CAPN9: variants seen among roughly 807,000 people sequenced by gnomAD.
CAPN9 encodes the protein calpain-9.
In CAPN9, 81 loss-of-function variants were observed where a neutral mutation model predicts 92.8. The observed-to-expected ratio is 0.87, with a 90% confidence interval of 0.73 to 1.05. CAPN9 has a LOEUF of 1.05. CAPN9 is among the 50% of genes least tolerant of loss of function. CAPN9 has a pLI of 0.00. For synonymous variants in CAPN9, 304 were observed against 328.0 expected (o/e 0.93, Z 0.79); for missense variants, 848 against 866.2 (o/e 0.98, Z 0.26).
intron 1 of CAPN9, among the ~76,000 whole-genome samples, chr1:230,749,282 G>T (rs1336690831): frequency 1.3e-5 from 2 of 152,200 alleles, no homozygotes; most frequent in East Asian, 3.8e-4. Context: ...ATCACGTGGG[G>T]TTGCACTTTA....
intron 13 of CAPN9, 70 bp from the exon 14 acceptor site, chr1:230,790,062 T>TTTAAAACAAGA: frequency 1.4e-6 from 2 of 1,391,664 alleles, no homozygotes; most frequent in Non-Finnish European, 2.0e-6. Context: ...TCAGAACTGA[T>TTTAAAACAAGA]TTAAAACAAA....
chr1:230,801,916 C>T lies in CAPN9; in HGVS notation c.*320C>T, dbSNP rs1385319622. ...CATTAAGAATTACTCAGAGTTCTAA[C>T]GCACAGAATCCTGACTTCCATGTAG... On this transcript the variant is annotated 3_prime_UTR_variant, in exon 20 of 20. Coordinates refer to ENST00000271971, the MANE Select transcript of CAPN9 (RefSeq NM_006615.3). The T allele has an allele frequency of 2.6e-6, 1 of 385,796 alleles. No individual in the cohort carries two copies. The highest frequency in any genetic ancestry group is 4.7e-6 in the Non-Finnish European group (1 of 211,934). The allele number at this position is 385,796 out of a possible 1,614,324, so 23.9% of individuals were successfully genotyped here.
chr1:230,800,465 C>G (rs1424363344), intron 19 of CAPN9, among the ~76,000 whole-genome samples: 3 of 152,064 alleles, frequency 2.0e-5, no homozygotes, highest in Non-Finnish European at 4.4e-5. Context: ...GGCCCCCTGG[C>G]TAGTCAAAGG....
chr1:230,758,188 A>G (rs1004046376), intron 2 of CAPN9, among the ~76,000 whole-genome samples: 3 of 152,186 alleles, frequency 2.0e-5, no homozygotes, highest in African/African-American at 4.8e-5. Context: ...CATTTTCCTC[A>G]ACTGGGCAAA....
intron 1 of CAPN9, among the ~76,000 whole-genome samples, chr1:230,752,322 A>G (rs1342199569): frequency 6.6e-6 from 1 of 152,114 alleles, no homozygotes; most frequent in South Asian, 2.1e-4. Context: ...GTGCACACCA[A>G]TTCCCAGAAA....
chr1:230,754,295 C>T (rs1665076481), intron 1 of CAPN9, among the ~76,000 whole-genome samples: 1 of 152,038 alleles, frequency 6.6e-6, no homozygotes, highest in South Asian at 2.1e-4. Context: ...TTGCTTTCTA[C>T]ACTTTTTTGT....
At chr1:230,756,620 T>TC (rs1665243075) in intron 2 of CAPN9, among the ~76,000 whole-genome samples, 1 of 152,114 alleles carries the variant, frequency 6.6e-6, no homozygotes, top group Non-Finnish European at 1.5e-5. Context: ...GGATTTTTTT[T>TC]CAACCAAACA....
At chr1:230,798,039 G>T in intron 18 of CAPN9, 123 bp from the exon 19 acceptor site, 1 of 718,270 alleles carries the variant, frequency 1.4e-6, no homozygotes, top group East Asian at 2.6e-5. Flanking sequence ...GAAAGTCCTT[G>T]TTTACCACCA....
intron 3 of CAPN9, 26 bp downstream of exon 3, chr1:230,759,656 G>T (rs1355765556): frequency 2.7e-6 from 4 of 1,505,724 alleles, no homozygotes; most frequent in Non-Finnish European, 3.6e-6. Context: ...GGGCCAGTGG[G>T]TTTACCTCTC....
At chr1:230,755,610 C>T (rs1665174237) in intron 2 of CAPN9, among the ~76,000 whole-genome samples, 1 of 152,212 alleles carries the variant, frequency 6.6e-6, no homozygotes, top group African/African-American at 2.4e-5. Flanking sequence ...TCAGACATGC[C>T]TGTGATGTGG....
chr1:230,751,883 G>A (rs1558080676), intron 1 of CAPN9, among the ~76,000 whole-genome samples: 1 of 148,030 alleles, frequency 6.8e-6, no homozygotes, highest in Non-Finnish European at 1.5e-5. Context: ...AGGGGGAGGG[G>A]TCTGCGTGCC....
intron 4 of CAPN9, among the ~76,000 whole-genome samples, chr1:230,766,715 AG>A (rs1291059628): frequency 2.0e-5 from 3 of 152,226 alleles, no homozygotes; most frequent in Non-Finnish European, 2.9e-5. Context: ...AACATACCCT[AG>A]ACTGGGCAAT....
intron 1 of CAPN9, among the ~76,000 whole-genome samples, chr1:230,753,540 T>A: frequency 6.6e-6 from 1 of 152,260 alleles, no homozygotes; most frequent in East Asian, 1.9e-4. Flanking sequence ...GGACACAAGA[T>A]GAGAGGAGAA....
chr1:230,750,087 C>A (rs1328621804), intron 1 of CAPN9, among the ~76,000 whole-genome samples: 1 of 152,186 alleles, frequency 6.6e-6, no homozygotes, highest in Non-Finnish European at 1.5e-5. Context: ...TCCCAGATCT[C>A]TGCTCCAAGG....
chr1:230,766,104 C>CT (rs1236937458), intron 4 of CAPN9, among the ~76,000 whole-genome samples: 2 of 151,494 alleles, frequency 1.3e-5, no homozygotes, highest in Admixed American at 1.3e-4. Context: ...TTATTATTTA[C>CT]TTTTTTTTGG....
chr1:230,748,049 C>T (rs1228068879), intron 1 of CAPN9, among the ~76,000 whole-genome samples: 1 of 152,200 alleles, frequency 6.6e-6, no homozygotes, highest in Admixed American at 6.5e-5. Flanking sequence ...GGCCCCCACC[C>T]TGTGTGTGGT....
intron 19 of CAPN9, among the ~76,000 whole-genome samples, chr1:230,800,101 C>T (rs1174498657): frequency 2.0e-5 from 3 of 151,600 alleles, no homozygotes; most frequent in Non-Finnish European, 4.4e-5. Flanking sequence ...TGGCATGAAC[C>T]CGGGAGGTGG....
intron 14 of CAPN9, among the ~76,000 whole-genome samples, chr1:230,791,415 G>C (rs28359713): frequency 0.028 from 4,229 of 152,192 alleles, 81 homozygotes; most frequent in Non-Finnish European, 0.042. Context: ...CAGCAGTATG[G>C]GAGTACAAAT....
chr1:230,768,189 G>A (rs1047809970), intron 5 of CAPN9, among the ~76,000 whole-genome samples: 1 of 152,090 alleles, frequency 6.6e-6, no homozygotes, highest in Non-Finnish European at 1.5e-5. Flanking sequence ...AACTATGATC[G>A]TGTCACTGCT....
Sources: gnomAD v4.1 joint callset for allele counts (sites outside exome capture counted in the v4.1 genomes callset) on GRCh38, gnomAD v4.1.1 for gene constraint, MANE v1.5 for transcripts, NCBI Gene and HGNC (gene_info 2026-07-23, HGNC 2026-07-21) for gene names.